Variants in GPAT3 observed in about 807,000 individuals in gnomAD.
GPAT3 encodes the protein glycerol-3-phosphate acyltransferase 3.
GPAT3 carries 53 observed loss-of-function variants against 58.8 expected under a neutral mutation model. The observed-to-expected ratio is 0.90, with a 90% CI of 0.72 to 1.13. GPAT3 has a LOEUF of 1.13. Ranked by LOEUF, GPAT3 falls within the 50% of genes most tolerant of loss-of-function variation. The probability of loss-of-function intolerance (pLI) is 0.00; values close to 1 mark genes in which losing one functional copy is unlikely to be tolerated. For missense variants in GPAT3, 511 were observed against 527.6 expected (o/e 0.97, Z 0.31); for synonymous variants, 197 against 187.4 (o/e 1.05, Z -0.42).
intron 2 of GPAT3, among the ~76,000 whole-genome samples, chr4:83,561,482 C>T (rs6845470): frequency 0.039 from 5,961 of 151,926 alleles, 416 homozygotes; most frequent in African/African-American, 0.14. Flanking sequence ...TTGGCACAAA[C>T]CTGCTAAAAT....
chr4:83,566,415 TTAATTTA>T lies in GPAT3; in HGVS notation c.209-15145_209-15139del, dbSNP rs201838581. Among the ~76,000 whole-genome samples, 1,272 of 130,302 alleles carry T rather than the reference TTAATTTA, an allele frequency of 9.8e-3. 17 individuals are homozygous for T. The highest frequency in any genetic ancestry group is 0.035 in the African/African-American group (1,222 of 35,158). The allele number at this position is 130,302 out of a possible 152,430, so 85.5% of individuals were successfully genotyped here. Reference sequence around the variant, plus strand: ...TTTATTCTTTTTTTTAAAAAATTAATTAATTTATTATTATTATTATTATTATTATTAT... The same window carrying T: ...TTTATTCTTTTTTTTAAAAAATTAATTTATTATTATTATTATTATTATTAT... On this transcript the variant is annotated intron_variant, in intron 2 of 11. Transcript: ENST00000264409.
At chr4:83,548,755 G>A (rs1724636695) in intron 2 of GPAT3, among the ~76,000 whole-genome samples, 1 of 152,178 alleles carries the variant, frequency 6.6e-6, no homozygotes, top group South Asian at 2.1e-4. Flanking sequence ...ATGGCCTGCT[G>A]TTGATTTAGC....
chr4:83,537,330 C>A (rs999077961), intron 1 of GPAT3, among the ~76,000 whole-genome samples: 2 of 152,160 alleles, frequency 1.3e-5, no homozygotes, highest in African/African-American at 2.4e-5. Context: ...GGTATATATT[C>A]TTTGACCTCA....
chr4:83,544,596 T>G lies in GPAT3; in HGVS notation c.202T>G (p.Ser68Ala), dbSNP rs773837845. 14 of 1,613,940 alleles carry G rather than the reference T, an allele frequency of 8.7e-6. No homozygotes were observed. Among genetic ancestry groups the G allele is most frequent in the Non-Finnish European group, 1.2e-5 (14 of 1,179,966 alleles). The change falls in exon 2 of 12, where the codon TCT becomes GCT. Residue 68 changes from serine to alanine, a missense_variant. By Grantham distance (99) the Ser-to-Ala change is moderately conservative. Coordinates refer to ENST00000264409, the MANE Select transcript of GPAT3 (RefSeq NM_032717.5). ...GGAGTCGATTCTTAAAAACTCTGCT[T>G]CTGTTGGTGAGTTTTCCTTTTCATT... ...PKESILKNSA[S>A]VGIIQRDESP... is the part of the protein sequence containing the mutation.
In GPAT3 at chr4:83,581,848, G is replaced by A; in HGVS notation, c.479+16G>A. ...TGCCTCTGAGGTAAGTCATATGCCTGGTAATTTGATGATACGCTTGACTCA... is the reference window on the plus strand; with the variant it reads ...TGCCTCTGAGGTAAGTCATATGCCTAGTAATTTGATGATACGCTTGACTCA... On this transcript the variant is annotated intron_variant, in intron 3 of 11. Transcript: ENST00000264409. The A allele has an allele frequency of 6.3e-7, 1 of 1,589,792 alleles. No homozygotes were observed.
intron 2 of GPAT3, among the ~76,000 whole-genome samples, chr4:83,574,085 T>G (rs1287801014): frequency 2.0e-5 from 3 of 152,200 alleles, no homozygotes; most frequent in African/African-American, 7.2e-5. Context: ...TATGACTGGG[T>G]GGGGTTCTTG....
At chr4:83,550,043 G>C (rs1255799516) in intron 2 of GPAT3, among the ~76,000 whole-genome samples, 20 of 151,756 alleles carry the variant, frequency 1.3e-4, no homozygotes, top group Admixed American at 1.3e-3. Flanking sequence ...TTTTTAAATA[G>C]AGATGAGGTC....
At chr4:83,579,046 CTT>C (rs1183019346) in intron 2 of GPAT3, among the ~76,000 whole-genome samples, 1 of 31,308 alleles carries the variant, frequency 3.2e-5, no homozygotes, top group African/African-American at 1.5e-4. Flanking sequence ...TTCTTTCTTT[CTT>C]TCTTTCTTTC....
intron 2 of GPAT3, among the ~76,000 whole-genome samples, chr4:83,563,622 C>G (rs1725267455): frequency 6.6e-6 from 1 of 151,782 alleles, no homozygotes; most frequent in Non-Finnish European, 1.5e-5. Context: ...GTTGGGATTG[C>G]AGGCATGCAC....
intron 10 of GPAT3, 74 bp downstream of exon 10, chr4:83,598,253 C>T (rs1325315534): frequency 1.9e-6 from 3 of 1,554,866 alleles, no homozygotes; most frequent in Non-Finnish European, 2.6e-6. Context: ...GGGTGTCTCC[C>T]TTCTCCATGT....
At chr4:83,598,457 A>G in intron 10 of GPAT3, 187 bp from the exon 11 acceptor site, 1 of 725,814 alleles carries the variant, frequency 1.4e-6, no homozygotes. Context: ...CATGGTAAAA[A>G]ATTAAACAAT....
chr4:83,551,564 C>T (rs1199724462), intron 2 of GPAT3, among the ~76,000 whole-genome samples: 1 of 151,760 alleles, frequency 6.6e-6, no homozygotes. Flanking sequence ...GAGGCTGAGG[C>T]GGGCGGATCA....
At chr4:83,543,659 T>G (rs1724393207) in intron 1 of GPAT3, among the ~76,000 whole-genome samples, 2 of 152,094 alleles carry the variant, frequency 1.3e-5, no homozygotes, top group African/African-American at 4.8e-5. Flanking sequence ...TTTTTTTGTT[T>G]TTTTGAGAGA....
chr4:83,536,320 T>C lies in GPAT3; in HGVS notation c.-303T>C, dbSNP rs1724080288. 3 of 1,108,718 alleles carry C rather than the reference T, an allele frequency of 2.7e-6. No homozygotes were observed. Among genetic ancestry groups the C allele is most frequent in the Non-Finnish European group, 3.3e-6 (3 of 909,436 alleles). 68.7% of individuals were successfully genotyped at this position (1,108,718 alleles called of 1,614,324 possible). A position where few individuals can be genotyped will look rare whatever the true frequency, so the allele number is the denominator to read the frequency against. On this transcript the variant is annotated 5_prime_UTR_variant, in exon 1 of 12. Coordinates refer to ENST00000264409, the MANE Select transcript of GPAT3 (RefSeq NM_032717.5). ...GCCCGCGCCGCGGTGTGCCTCCGCTTACCCGCAGCTCCGACCACTGGCTCG... is the reference window on the plus strand; with the variant it reads ...GCCCGCGCCGCGGTGTGCCTCCGCTCACCCGCAGCTCCGACCACTGGCTCG...
rs1159505917 is a variant in GPAT3 at position 83,549,726 on chromosome 4, ATTG to A, written c.208+5127_208+5129del. ...TTTGTATATATTTATTATTATTATT[ATTG>A]TTATTATTATTGAGATGGAGTCTGG... is the stretch of plus-strand genomic sequence containing the variant. On this transcript the variant is annotated intron_variant, in intron 2 of 11. Transcript: ENST00000264409. 3.7e-4 allele frequency among the ~76,000 whole-genome samples: 53 copies of A among 144,754 alleles called. 1 individual carries two copies. Among genetic ancestry groups the A allele is most frequent in the African/African-American group, 8.4e-4 (33 of 39,202 alleles). The allele number at this position is 144,754 out of a possible 152,430, so 95.0% of individuals were successfully genotyped here.
chr4:83,565,209 T>C (rs2110084905), intron 2 of GPAT3, among the ~76,000 whole-genome samples: 1 of 152,202 alleles, frequency 6.6e-6, no homozygotes, highest in Non-Finnish European at 1.5e-5. Flanking sequence ...CAAGTGATTC[T>C]CCTGCCTCAG....
chr4:83,544,365 G>A (rs1338990756), intron 1 of GPAT3, among the ~76,000 whole-genome samples, 171 bp from the exon 2 acceptor site: 1 of 152,158 alleles, frequency 6.6e-6, no homozygotes, highest in Non-Finnish European at 1.5e-5. Flanking sequence ...TGATATAAAA[G>A]TATACTTGGG....
In GPAT3 at chr4:83,544,692, A is replaced by T; in HGVS notation, c.208+90A>T. Reference sequence around the variant, plus strand: ...TTTGAACTTGAAATATGCAGAGAGCAGTGTGTTCTATAGGGTTTGGATCTT... The same window carrying T: ...TTTGAACTTGAAATATGCAGAGAGCTGTGTGTTCTATAGGGTTTGGATCTT... On this transcript the variant is annotated intron_variant, in intron 2 of 11. Transcript: ENST00000264409. 6 of 1,245,758 alleles carry T rather than the reference A, an allele frequency of 4.8e-6. No homozygotes were observed. The South Asian group carries it at 7.4e-5, about 15-fold the overall frequency. The allele number at this position is 1,245,758 out of a possible 1,614,324, so 77.2% of individuals were successfully genotyped here.
At chr4:83,562,877 G>T (rs570470413) in intron 2 of GPAT3, among the ~76,000 whole-genome samples, 8 of 152,222 alleles carry the variant, frequency 5.3e-5, no homozygotes, top group East Asian at 3.9e-4. Context: ...TGCTACTCTT[G>T]TGGGCTATAT....
Sources: gnomAD v4.1 joint callset for allele counts (sites outside exome capture counted in the v4.1 genomes callset) on GRCh38, gnomAD v4.1.1 for gene constraint, MANE v1.5 for transcripts, NCBI Gene and HGNC (gene_info 2026-07-23, HGNC 2026-07-21) for gene names.